The following ROBO2 variants were observed in gnomAD, a reference collection of about 807,000 sequenced individuals.
ROBO2 encodes the protein roundabout homolog 2.
A neutral mutation model predicts 160.8 loss-of-function variants in ROBO2; 53 were observed. The ratio of observed to expected loss-of-function variants is 0.33; its 90% CI spans 0.26 to 0.41. The LOEUF (loss-of-function observed/expected upper bound fraction) is 0.41, where lower values mean the gene tolerates loss of function less well. Ranked by LOEUF, ROBO2 falls within the 10% of genes least tolerant of loss-of-function variation. The pLI, the probability that ROBO2 is intolerant of heterozygous loss-of-function variation, is 1.00. For missense variants in ROBO2, 1,577 were observed against 1,722.4 expected (o/e 0.92, Z 1.49); for synonymous variants, 664 against 611.7 (o/e 1.09, Z -1.26).
At position 77,295,286 on chromosome 3, in the gene ROBO2, C is replaced by T. The variant is rs543717523; in HGVS notation, c.389-182128C>T. On this transcript the variant is annotated intron_variant, in intron 2 of 25. Transcript: ENST00000461745. ...TAAACGGTAAGCTGAGGCTAGATCA[C>T]CAAAGACATTAAGTAAAATTGACGG... Among the ~76,000 whole-genome samples, 9 of 143,180 alleles carry T rather than the reference C, an allele frequency of 6.3e-5. No individual in the cohort carries two copies. In the Admixed American group the frequency reaches 6.3e-4, roughly 10 times the overall value. 93.9% of individuals were successfully genotyped at this position (143,180 alleles called of 152,430 possible). A position where few individuals can be genotyped will look rare whatever the true frequency, so the allele number is the denominator to read the frequency against.
chr3:76,028,519 A>C (rs1047761932), intron 2 of ROBO2, among the ~76,000 whole-genome samples: 1 of 152,000 alleles, frequency 6.6e-6, no homozygotes, highest in African/African-American at 2.4e-5. Context: ...TTAGATTCTA[A>C]AGGAAGTTGC....
chr3:76,550,500 T>C (rs1466230911), intron 2 of ROBO2, among the ~76,000 whole-genome samples: 1 of 152,242 alleles, frequency 6.6e-6, no homozygotes, highest in Admixed American at 6.5e-5. Flanking sequence ...GCTGGGACTG[T>C]GTGCTCTGCA....
At chr3:77,565,284 G>A (rs2153663868) in intron 12 of ROBO2, among the ~76,000 whole-genome samples, 164 bp downstream of exon 13, 1 of 152,158 alleles carries the variant, frequency 6.6e-6, no homozygotes. Context: ...TTATCTTGGT[G>A]AGATGTGTTC....
At position 76,204,037 on chromosome 3, in the gene ROBO2, T is replaced by C. The variant is rs536081006; in HGVS notation, c.109+266435T>C. Reference sequence around the variant, plus strand: ...CTCCTCAGATTACCTGATTTGAGTATATATCATCTGTTTCCTGCCTGGACC... The same window carrying C: ...CTCCTCAGATTACCTGATTTGAGTACATATCATCTGTTTCCTGCCTGGACC... On this transcript the variant is annotated intron_variant, in intron 2 of 26. Transcript: ENST00000487694. 2.6e-5 allele frequency among the ~76,000 whole-genome samples: 4 copies of C among 152,342 alleles called. No homozygotes were observed. The South Asian group carries it at 6.2e-4, about 24-fold the overall frequency.
At chr3:77,594,511 C>T (rs918505235) in intron 17 of ROBO2, among the ~76,000 whole-genome samples, 3 of 152,120 alleles carry the variant, frequency 2.0e-5, no homozygotes, top group Non-Finnish European at 2.9e-5. Flanking sequence ...TTCAACTTTT[C>T]TGATCACTAC....
chr3:77,479,734 C>T (rs1441697746), intron 3 of ROBO2, among the ~76,000 whole-genome samples: 1 of 152,112 alleles, frequency 6.6e-6, no homozygotes, highest in African/African-American at 2.4e-5. Context: ...TAGCATTTAG[C>T]TCTTGCCTAT....
At chr3:77,137,773 G>A (rs547295622) in intron 2 of ROBO2, among the ~76,000 whole-genome samples, 5 of 152,166 alleles carry the variant, frequency 3.3e-5, no homozygotes, top group African/African-American at 4.8e-5. Context: ...GTGAGGAAAC[G>A]CAAGGCAGGA....
At chr3:76,735,918 C>T (rs1221421030) in intron 2 of ROBO2, among the ~76,000 whole-genome samples, 6 of 151,784 alleles carry the variant, frequency 4.0e-5, no homozygotes, top group Admixed American at 3.3e-4. Context: ...CCTGTGCACA[C>T]CCCTATTTTA....
chr3:77,419,605 G>GC (rs2077538276), intron 2 of ROBO2, among the ~76,000 whole-genome samples: 1 of 152,090 alleles, frequency 6.6e-6, no homozygotes, highest in African/African-American at 2.4e-5. Flanking sequence ...GCCTTCTGCA[G>GC]CAAAACTCAT....
chr3:76,507,242 GATA>G (rs1323213505), intron 2 of ROBO2, among the ~76,000 whole-genome samples: 1 of 151,886 alleles, frequency 6.6e-6, no homozygotes, highest in Admixed American at 6.6e-5. Flanking sequence ...AATGCATGAA[GATA>G]ATAAGTTTTA....
Position 77,503,523 on chromosome 3 carries a change from CTAAATAAATAAATAAA to C in ROBO2, c.806+10166_806+10181del, listed in dbSNP as rs567091666. On this transcript the variant is annotated intron_variant, in intron 5 of 25. Transcript: ENST00000461745. ...TGGGCCACAGAGAGAGAGTCCGTCT[CTAAATAAATAAATAAA>C]TAAATAAATAAATAAATAAATAAAA... 6.6e-3 allele frequency among the ~76,000 whole-genome samples: 953 copies of C among 144,552 alleles called. 13 individuals carry two copies. Among genetic ancestry groups the C allele is most frequent in the African/African-American group, 0.024 (916 of 38,884 alleles). The allele number at this position is 144,552 out of a possible 152,430, so 94.8% of individuals were successfully genotyped here.
intron 2 of ROBO2, among the ~76,000 whole-genome samples, chr3:75,979,310 CAT>C (rs749889242): frequency 6.6e-6 from 1 of 151,520 alleles, no homozygotes; most frequent in Non-Finnish European, 1.5e-5. Flanking sequence ...AATATACACA[CAT>C]ATATAGAGAG....
chr3:76,413,835 T>G (rs1358859360), intron 2 of ROBO2, among the ~76,000 whole-genome samples: 2 of 152,200 alleles, frequency 1.3e-5, no homozygotes, highest in Non-Finnish European at 2.9e-5. Flanking sequence ...GCTTCCACAT[T>G]TTTGGGTATC....
chr3:76,287,543 A>G (rs971665068), intron 2 of ROBO2, among the ~76,000 whole-genome samples: 11 of 151,934 alleles, frequency 7.2e-5, no homozygotes, highest in African/African-American at 2.7e-4. Context: ...CAGGTGATCC[A>G]CCCACCTCAG....
intron 2 of ROBO2, among the ~76,000 whole-genome samples, chr3:76,593,985 ATAT>A (rs1254524825): frequency 1.3e-5 from 2 of 152,022 alleles, no homozygotes; most frequent in Non-Finnish European, 2.9e-5. Flanking sequence ...AATAATATAA[ATAT>A]TGTTGTAAAG....
intron 2 of ROBO2, among the ~76,000 whole-genome samples, chr3:76,397,723 A>T (rs1315992450): frequency 6.6e-6 from 1 of 152,244 alleles, no homozygotes. Context: ...CACATGAAAA[A>T]ATGCTCACCA....
At chr3:76,200,573 G>A (rs1239587901) in intron 2 of ROBO2, among the ~76,000 whole-genome samples, 2 of 151,932 alleles carry the variant, frequency 1.3e-5, no homozygotes, top group East Asian at 3.9e-4. Context: ...CCAGTATAGG[G>A]GGCAACTTAA....
chr3:77,571,698 A>G (rs2093640345), intron 13 of ROBO2, among the ~76,000 whole-genome samples: 1 of 152,002 alleles, frequency 6.6e-6, no homozygotes, highest in Non-Finnish European at 1.5e-5. Flanking sequence ...ATTGTAATCA[A>G]CTCTAAAAGA....
In ROBO2 at chr3:76,976,954, C is replaced by T. The variant is rs373484822; in HGVS notation, c.110-121060C>T. 2.0e-5 allele frequency among the ~76,000 whole-genome samples: 3 copies of T among 152,196 alleles called. No homozygotes were observed. The South Asian group carries it at 6.2e-4, about 32-fold the overall frequency. ...GCTCATTTTAATCATATATGGTTCG[C>T]TTTCACATCAGCATTTGCTGTTGAG... On this transcript the variant is annotated intron_variant, in intron 2 of 26. Transcript: ENST00000487694.
Sources: allele counts gnomAD v4.1 joint callset (sites outside exome capture counted in the v4.1 genomes callset), GRCh38; gene constraint gnomAD v4.1.1; transcripts MANE v1.5; gene names NCBI Gene and HGNC (gene_info 2026-07-23, HGNC 2026-07-21).